KLF16: variants seen among roughly 807,000 people sequenced by gnomAD.
KLF16 encodes the protein KLF transcription factor 16.
In KLF16, 6 loss-of-function variants were observed where a neutral mutation model predicts 6.1. That is an observed-to-expected ratio of 0.98 (90% confidence interval 0.54 to 1.93). The LOEUF (loss-of-function observed/expected upper bound fraction) is 1.93. Ranked by LOEUF, KLF16 falls within the 30% of genes most tolerant of loss-of-function variation. The pLI, the probability that KLF16 is intolerant of heterozygous loss-of-function variation, is 0.01. For synonymous variants in KLF16, 211 were observed against 176.5 expected, an observed-to-expected ratio of 1.20 and a Z score of -1.55; for missense variants, 355 against 363.8, an observed-to-expected ratio of 0.98 and a Z score of 0.20.
At position 1,853,925 on chromosome 19, in the gene KLF16, G is replaced by C. The variant is rs368895212; in HGVS notation, c.*534C>G. ...GACACCTGAGATTGAGTACCCGAAT[G>C]GGGGGTGGCTGGGCTGCACCCCCAT... On this transcript the variant is annotated 3_prime_UTR_variant, in exon 2 of 2. Transcript: ENST00000250916. 2 of 152,940 alleles carry C rather than the reference G, an allele frequency of 1.3e-5. No individual in the cohort carries two copies. Among genetic ancestry groups the C allele is most frequent in the Admixed American group, 6.5e-5 (1 of 15,282 alleles). The allele number at this position is 152,940 out of a possible 1,614,324, so 9.5% of individuals were successfully genotyped here. A position where few individuals can be genotyped will look rare whatever the true frequency, so the allele number is the denominator to read the frequency against.
the KLF16 span, among the ~76,000 whole-genome samples, chr19:1,871,479 C>G: frequency 7.9e-4 from 121 of 152,304 alleles, 7 homozygotes; most frequent in Non-Finnish European, 5.1e-4. Flanking sequence ...AAGTCCCCAC[C>G]CCCCCGGGGC....
the KLF16 span, among the ~76,000 whole-genome samples, chr19:1,874,037 C>G: frequency 6.6e-6 from 1 of 152,340 alleles, no homozygotes; most frequent in Admixed American, 6.5e-5. Flanking sequence ...CCAAATACTT[C>G]GATTTCCAAA....
chr19:1,854,636 C>T lies in KLF16; in HGVS notation c.582G>A (p.Lys194=). ...CCAGGTGGTCACTGCGGGTGAAGCG[C>T]TTGGAGCACAGAGGGCAGGAGAAGC... ...EKRFSCPLCS[K]RFTRSDHLAK... Residue 194 remains lysine (K), a synonymous_variant, in exon 2 of 2, where the codon AAG becomes AAA. Transcript: ENST00000250916. 1 of 1,599,478 alleles carries T rather than the reference C, an allele frequency of 6.3e-7. No individual in the cohort carries two copies. The highest frequency in any genetic ancestry group is 8.5e-7 in the Non-Finnish European group (1 of 1,179,406).
chr19:1,856,449 G>A (rs1159212962), intron 1 of KLF16, among the ~76,000 whole-genome samples: 1 of 152,166 alleles, frequency 6.6e-6, no homozygotes, highest in Non-Finnish European at 1.5e-5. Flanking sequence ...CCCTCCCCAA[G>A]AGGTTGTGAA....
At chr19:1,863,850 C>A (rs1188976523), upstream of KLF16, among the ~76,000 whole-genome samples, 5 of 146,936 alleles carry the variant, frequency 3.4e-5, no homozygotes, top group African/African-American at 1.2e-4. Flanking sequence ...CTCCGGCCTC[C>A]GCCAGCGCCT....
chr19:1,862,228 G>A (rs1338370954), intron 1 of KLF16, among the ~76,000 whole-genome samples: 1 of 152,126 alleles, frequency 6.6e-6, no homozygotes, highest in Non-Finnish European at 1.5e-5. Flanking sequence ...GGGACGGAGT[G>A]AAAAAATACA....
intron 1 of KLF16, among the ~76,000 whole-genome samples, chr19:1,862,431 C>T (rs1028682869): frequency 2.0e-5 from 3 of 152,112 alleles, no homozygotes; most frequent in African/African-American, 7.2e-5. Context: ...CTATGAAGTT[C>T]CCCCGCCCAG....
At chr19:1,867,049 C>G (rs533131560), upstream of KLF16, among the ~76,000 whole-genome samples, 4 of 152,304 alleles carry the variant, frequency 2.6e-5, no homozygotes, top group South Asian at 8.3e-4. Context: ...GGCTATGGAG[C>G]AAAGCTCAGC....
At chr19:1,872,989 A>C in the KLF16 span, among the ~76,000 whole-genome samples, 1 of 151,974 alleles carries the variant, frequency 6.6e-6, no homozygotes, top group South Asian at 2.1e-4. Flanking sequence ...AGAGGTGGAC[A>C]GGCAGGTGCC....
the KLF16 span, among the ~76,000 whole-genome samples, chr19:1,874,049 T>A: frequency 2.6e-5 from 4 of 152,300 alleles, no homozygotes; most frequent in African/African-American, 9.6e-5. Flanking sequence ...ATTTCCAAAA[T>A]CCTCTTCATC....
the KLF16 span, chr19:1,875,325 ATCCC>A: frequency 1.3e-5 from 2 of 152,246 alleles, no homozygotes; most frequent in Middle Eastern, 3.2e-3. Context: ...TTCCGGAGGA[ATCCC>A]ACCTGTATCT....
At chr19:1,865,211 T>G (rs2012168301), upstream of KLF16, among the ~76,000 whole-genome samples, 1 of 152,206 alleles carries the variant, frequency 6.6e-6, no homozygotes, top group Non-Finnish European at 1.5e-5. Context: ...CAGGGTGCCC[T>G]GCACACACTT....
chr19:1,864,289 C>A (rs1473047515), upstream of KLF16, among the ~76,000 whole-genome samples: 1 of 152,132 alleles, frequency 6.6e-6, no homozygotes, highest in Non-Finnish European at 1.5e-5. Context: ...ACCCTTCCCC[C>A]CTCTTCTCCC....
In KLF16 at chr19:1,854,139, G is replaced by C. The variant is rs949948411; in HGVS notation, c.*320C>G. 3 of 305,002 alleles carry C rather than the reference G, an allele frequency of 9.8e-6. No homozygotes were observed. The highest frequency in any genetic ancestry group is 1.2e-5 in the Non-Finnish European group (2 of 167,712). The allele number at this position is 305,002 out of a possible 1,614,324, so 18.9% of individuals were successfully genotyped here. ...TCCACCCCCCCAAACCCCACCCCGGGAGGGGGGCAGCAGGGGGTGGTGGAG... is the reference window on the plus strand; with the variant it reads ...TCCACCCCCCCAAACCCCACCCCGGCAGGGGGGCAGCAGGGGGTGGTGGAG... On this transcript the variant is annotated 3_prime_UTR_variant, in exon 2 of 2. Transcript: ENST00000250916.
intron 1 of KLF16, 81 bp downstream of exon 1, chr19:1,862,953 CCCACGCG>C (rs1340252042): frequency 3.7e-6 from 3 of 816,338 alleles, no homozygotes; most frequent in Non-Finnish European, 4.6e-6. Flanking sequence ...CTCCCCGCCC[CCCACGCG>C]CCACGCAGTT....
upstream of KLF16, among the ~76,000 whole-genome samples, chr19:1,864,266 G>A (rs919828558): frequency 6.9e-6 from 1 of 144,746 alleles, no homozygotes; most frequent in African/African-American, 2.7e-5. Context: ...CCCGCCCCCA[G>A]GCCACGTGCG....
intron 1 of KLF16, chr19:1,862,124 C>T (rs2012078161): frequency 6.6e-6 from 1 of 151,348 alleles, no homozygotes; most frequent in Admixed American, 6.6e-5. Flanking sequence ...AAGGGACAAG[C>T]ACCTCTAATG....
In KLF16 at chr19:1,857,313, G is replaced by T. The variant is rs1284261459; in HGVS notation, c.458-2553C>A. 6.6e-6 allele frequency among the ~76,000 whole-genome samples: 1 copy of T among 152,220 alleles called. No individual in the cohort carries two copies. The highest frequency in any genetic ancestry group is 1.5e-5 in the Non-Finnish European group (1 of 68,024). ...GGGTGAACTTGTGGGGGCCCAGAGC[G>T]CGCTGCTCCTAGCCAGCCGGGCCCC... On this transcript the variant is annotated intron_variant, in intron 1 of 1. Coordinates refer to ENST00000250916, the MANE Select transcript of KLF16 (RefSeq NM_031918.4). The surrounding 1 kb of genome is among the most constrained non-coding windows in gnomAD (Gnocchi z 4.7).
the KLF16 span, among the ~76,000 whole-genome samples, chr19:1,872,187 G>A: frequency 1.3e-5 from 2 of 152,178 alleles, no homozygotes; most frequent in African/African-American, 4.8e-5. Flanking sequence ...CTGGAGTGCA[G>A]TGGTGCAATC....
Sources: allele counts gnomAD v4.1 joint callset (sites outside exome capture counted in the v4.1 genomes callset), GRCh38; gene constraint gnomAD v4.1.1; non-coding constraint Gnocchi (gnomAD v3.1); transcripts MANE v1.5; gene names NCBI Gene and HGNC (gene_info 2026-07-23, HGNC 2026-07-21).